Variants in DIS3L observed in about 807,000 individuals in gnomAD.
DIS3L encodes the protein DIS3-like exonuclease 1.
Under a neutral mutation model 120.3 loss-of-function variants are expected in DIS3L, and 100 were observed. The observed-to-expected ratio is 0.83, with a 90% CI of 0.71 to 0.98. The LOEUF (loss-of-function observed/expected upper bound fraction) is 0.98. Ranked by LOEUF, DIS3L falls within the 50% of genes least tolerant of loss-of-function variation. DIS3L has a pLI of 0.00. For missense variants in DIS3L, 1,196 were observed against 1,314.2 expected (o/e 0.91, Z 1.39); for synonymous variants, 426 against 470.6 (o/e 0.91, Z 1.23).
In DIS3L at chr15:66,331,917, TG is replaced by T. The variant is rs1239580204; in HGVS notation, c.2579del (p.Cys860SerfsTer44). On this transcript the variant is annotated frameshift_variant, in exon 15 of 17. Transcript: ENST00000319212. LOFTEE classifies it high-confidence loss of function. ...SQKQSTELFQCMYFKDKDPAT... is the reference protein window; with the variant it reads ...SQKQSTELFQXMYFKDKDPAT... ...GAAGCAGTCTACTGAGCTCTTCCAG[TG>T]CATGTACTTCAAAGACAAAGACCCT... is the stretch of plus-strand genomic sequence containing the variant. 1 of 1,613,060 alleles carries T rather than the reference TG, an allele frequency of 6.2e-7. No homozygotes were observed. Among genetic ancestry groups the T allele is most frequent in the Non-Finnish European group, 8.5e-7 (1 of 1,179,512 alleles).
chr15:66,314,016 G>T, intron 5 of DIS3L, 23 bp from the exon 6 acceptor site: 1 of 1,531,124 alleles, frequency 6.5e-7, no homozygotes, highest in Non-Finnish European at 8.8e-7. Flanking sequence ...TTTTCATATT[G>T]ATTTTTTAAA....
chr15:66,319,304 AAATT>A (rs1385939983), intron 8 of DIS3L, among the ~76,000 whole-genome samples: 1 of 152,214 alleles, frequency 6.6e-6, no homozygotes, highest in Non-Finnish European at 1.5e-5. Context: ...TGTGGTTAAT[AAATT>A]CAGGCCAGAG....
rs1481910718 is a variant in DIS3L at position 66,293,744 on chromosome 15, CG to C, written c.139+13del. On this transcript the variant is annotated intron_variant, in intron 1 of 16. Coordinates refer to ENST00000319212, the MANE Select transcript of DIS3L (RefSeq NM_001143688.3). ...CGCCGCCTGCAGCCACGGTCAGGGC[CG>C]GGGCGGGGGCGGGGACGGGGCCGGC... The C allele has an allele frequency of 6.6e-6, 8 of 1,209,106 alleles. No homozygotes were observed. The Admixed American group carries it at 1.8e-4, about 27-fold the overall frequency. 74.9% of individuals were successfully genotyped at this position (1,209,106 alleles called of 1,614,324 possible).
chr15:66,294,974 GA>G lies in DIS3L; in HGVS notation c.140-12del, dbSNP rs762003538. 6.3e-7 allele frequency: 1 copy of G among 1,596,330 alleles called. No homozygotes were observed. The highest frequency in any genetic ancestry group is 8.5e-7 in the Non-Finnish European group (1 of 1,169,960). On this transcript the variant is annotated splice_polypyrimidine_tract_variant and intron_variant, in intron 1 of 16. Coordinates refer to ENST00000319212, the MANE Select transcript of DIS3L (RefSeq NM_001143688.3). ...AACATTGTCTAATCTCTTACATTTT[GA>G]ATTATGTTTCAGATGGGAAACTCTT...
At position 66,300,943 on chromosome 15, in the gene DIS3L, G is replaced by T. The variant is rs112646358; in HGVS notation, c.293+5802G>T. On this transcript the variant is annotated intron_variant, in intron 2 of 16. Transcript: ENST00000319212. ...AATATAAACTTGTGGAAAACTCAGT[G>T]GTGTCTGAAGGTAAGTCTGTGAGAC... Among the ~76,000 whole-genome samples the T allele has an allele frequency of 6.6e-5, 10 of 152,340 alleles. 2 individuals carry two copies. The highest frequency in any genetic ancestry group is 2.4e-4 in the African/African-American group (10 of 41,578).
chr15:66,297,863 C>A (rs2092605095), intron 2 of DIS3L, among the ~76,000 whole-genome samples: 1 of 151,988 alleles, frequency 6.6e-6, no homozygotes, highest in African/African-American at 2.4e-5. Flanking sequence ...ATATTTCATG[C>A]CTCAGTTTCT....
At position 66,326,076 on chromosome 15, in the gene DIS3L, A is replaced by G. The variant is rs764188366; in HGVS notation, c.1913A>G (p.His638Arg). 3 of 1,614,178 alleles carry G rather than the reference A, an allele frequency of 1.9e-6. No individual in the cohort carries two copies. Among genetic ancestry groups the G allele is most frequent in the Non-Finnish European group, 2.5e-6 (3 of 1,180,022 alleles). ...AIGKLTDIAR[H>R]VRAKRDGCGA... ...GGAAAGCTGACCGACATAGCTCGCC[A>G]TGTCAGAGCTAAACGAGACGGATGT... The change falls in exon 12 of 17, where the codon CAT (histidine) becomes CGT (arginine). Residue 638 changes from histidine to arginine, a missense_variant. Coordinates refer to ENST00000319212, the MANE Select transcript of DIS3L (RefSeq NM_001143688.3).
chr15:66,293,503 G>A, upstream of DIS3L: 1 of 1,251,466 alleles, frequency 8.0e-7, no homozygotes, highest in Non-Finnish European at 1.0e-6. Context: ...GGCGGTTCCG[G>A]AGCCGCGGCG....
At position 66,293,617 on chromosome 15, in the gene DIS3L, G is replaced by A. The variant is rs2092546498; in HGVS notation, c.21G>A (p.Lys7=). 5.5e-6 allele frequency: 8 copies of A among 1,445,866 alleles called. No homozygotes were observed. The highest frequency in any genetic ancestry group is 5.4e-6 in the Non-Finnish European group (6 of 1,101,686). 89.6% of individuals were successfully genotyped at this position (1,445,866 alleles called of 1,614,324 possible). MLQKRE[K]VLLLRTFQGR... is the part of the protein sequence containing the mutation. ...CCGCCATGCTGCAGAAGCGGGAGAA[G>A]GTGCTGCTGCTGAGGACCTTCCAGG... is the stretch of plus-strand genomic sequence containing the variant. The change falls in exon 1 of 17, where the codon AAG becomes AAA. Residue 7 remains lysine (K), a synonymous_variant. Transcript: ENST00000319212.
intron 11 of DIS3L, among the ~76,000 whole-genome samples, chr15:66,323,924 A>G (rs1454636218): frequency 6.6e-6 from 1 of 152,178 alleles, no homozygotes; most frequent in Non-Finnish European, 1.5e-5. Context: ...GTTGTTTGGC[A>G]TGAGGATCAT....
rs553291460 is a variant in DIS3L at position 66,304,007 on chromosome 15, G to A, written c.294-2817G>A. Among the ~76,000 whole-genome samples the A allele has an allele frequency of 1.4e-3, 206 of 149,584 alleles. 1 individual carries two copies. The highest frequency in any genetic ancestry group is 3.1e-3 in the Admixed American group (46 of 14,966). On this transcript the variant is annotated intron_variant, in intron 2 of 16. Transcript: ENST00000319212. ...CGGGAGGCTGAGGCAGGAGAATGGC[G>A]TGAACCCGGGAGGTGGAGCTTGCAG...
rs1555401896 is a variant in DIS3L at position 66,309,094 on chromosome 15, A to ATATATAT, written c.558+250_558+251insTATATAT. ...CTTGTCTCTACAGAAAAAAAAAAAA[A>ATATATAT]ATATATATATCTCCAAGCATGGTGG... On this transcript the variant is annotated intron_variant, in intron 4 of 16. Coordinates refer to ENST00000319212, the MANE Select transcript of DIS3L (RefSeq NM_001143688.3). Among the ~76,000 whole-genome samples, 2 of 15,320 alleles carry ATATATAT rather than the reference A, an allele frequency of 1.3e-4. 1 individual carries two copies. Among genetic ancestry groups the ATATATAT allele is most frequent in the Non-Finnish European group, 2.4e-4 (2 of 8,310 alleles). The allele number at this position is 15,320 out of a possible 152,430, so 10.1% of individuals were successfully genotyped here.
chr15:66,309,759 C>G (rs1053108385), intron 4 of DIS3L, among the ~76,000 whole-genome samples: 1 of 152,188 alleles, frequency 6.6e-6, no homozygotes, highest in African/African-American at 2.4e-5. Flanking sequence ...AAAATGCACA[C>G]GAAACAAACT....
intron 1 of DIS3L, 144 bp from the exon 2 acceptor site, chr15:66,294,844 T>C: frequency 2.3e-6 from 2 of 862,614 alleles, no homozygotes; most frequent in South Asian, 2.0e-5. Flanking sequence ...ACTTTGGGCC[T>C]CTACCAAAGT....
chr15:66,316,242 C>G (rs1385774467), intron 7 of DIS3L, among the ~76,000 whole-genome samples: 1 of 152,124 alleles, frequency 6.6e-6, no homozygotes, highest in Non-Finnish European at 1.5e-5. Context: ...CCCACGTGTT[C>G]CCCAGTCTCA....
chr15:66,324,140 T>C (rs1182273150), intron 11 of DIS3L, among the ~76,000 whole-genome samples: 2 of 152,234 alleles, frequency 1.3e-5, no homozygotes, highest in African/African-American at 2.4e-5. Flanking sequence ...TGTGATCTTT[T>C]TTACACAAAT....
intron 2 of DIS3L, among the ~76,000 whole-genome samples, chr15:66,303,752 A>G (rs2092671352): frequency 6.6e-6 from 1 of 152,188 alleles, no homozygotes; most frequent in Admixed American, 6.5e-5. Context: ...AATTCTAAGC[A>G]TTACCGAACT....
chr15:66,333,234 G>A lies in DIS3L; in HGVS notation c.3087G>A (p.Lys1029=), dbSNP rs1018075407. 8.1e-6 allele frequency: 13 copies of A among 1,614,088 alleles called. No individual in the cohort carries two copies. The highest frequency in any genetic ancestry group is 2.2e-5 in the South Asian group (2 of 91,068). Residue 1029 remains lysine, a synonymous_variant, in exon 17 of 17, where the codon AAG becomes AAA. Coordinates refer to ENST00000319212, the MANE Select transcript of DIS3L (RefSeq NM_001143688.3). ...AATATCAAGAATATCGCCAAACAAA[G>A]GGAAGGAGCCTATACACACTTCTAG... ...QEEYQEYRQT[K]GRSLYTLLEE...
intron 6 of DIS3L, 152 bp from the exon 7 acceptor site, chr15:66,314,884 C>T (rs1311646658): frequency 5.5e-6 from 4 of 725,984 alleles, no homozygotes; most frequent in Non-Finnish European, 6.6e-6. Flanking sequence ...CATTCCTAAC[C>T]TGCAGAACAA....
Sources: allele counts gnomAD v4.1 joint callset (sites outside exome capture counted in the v4.1 genomes callset), GRCh38; gene constraint gnomAD v4.1.1; transcripts MANE v1.5; gene names NCBI Gene and HGNC (gene_info 2026-07-23, HGNC 2026-07-21).